Variants in PCYT2 observed in about 807,000 individuals in gnomAD.
The protein encoded by PCYT2 is ethanolamine-phosphate cytidylyltransferase.
PCYT2 carries 33 observed loss-of-function variants against 50.0 expected under a neutral mutation model. That is an observed-to-expected ratio of 0.66 (90% confidence interval 0.50 to 0.88). The LOEUF is 0.88. PCYT2 is among the 40% of genes least tolerant of loss of function. The pLI is 0.00. For synonymous variants in PCYT2, 240 were observed against 203.7 expected, an observed-to-expected ratio of 1.18 and a Z score of -1.52; for missense variants, 430 against 519.7, an observed-to-expected ratio of 0.83 and a Z score of 1.68.
At position 81,906,909 on chromosome 17, in the gene PCYT2, A is replaced by T; in HGVS notation, c.538-11T>A. 1 of 1,611,484 alleles carries T rather than the reference A, an allele frequency of 6.2e-7. No individual in the cohort carries two copies. Among genetic ancestry groups the T allele is most frequent in the South Asian group, 1.1e-5 (1 of 90,980 alleles). Reference sequence around the variant, plus strand: ...CCGCCCACCAGGGCACTGCAAGCCAAGAGAGGGAGCAGGTTGGCGGGGGAG... The same window carrying T: ...CCGCCCACCAGGGCACTGCAAGCCATGAGAGGGAGCAGGTTGGCGGGGGAG... On this transcript the variant is annotated splice_polypyrimidine_tract_variant and intron_variant, in intron 6 of 12. Transcript: ENST00000538936.
At chr17:81,907,478 A>G (rs1598324346) in intron 6 of PCYT2, 76 bp downstream of exon 6, 3 of 1,486,640 alleles carry the variant, frequency 2.0e-6, no homozygotes, top group East Asian at 4.8e-5. Flanking sequence ...CCTTTCCCCA[A>G]GGGATGGCTG....
intron 6 of PCYT2, 78 bp downstream of exon 6, chr17:81,907,476 C>G (rs2040335666): frequency 5.4e-6 from 8 of 1,482,722 alleles, no homozygotes; most frequent in South Asian, 1.2e-5. Flanking sequence ...GGCCTTTCCC[C>G]AAGGGATGGC....
rs767117251 is a variant in PCYT2, at chr17:81,903,075, C to A, written c.*1758G>T. 1.1e-4 allele frequency: 38 copies of A among 342,632 alleles called. No homozygotes were observed. Among genetic ancestry groups the A allele is most frequent in the Non-Finnish European group, 1.8e-4 (34 of 189,516 alleles). 21.2% of individuals were successfully genotyped at this position (342,632 alleles called of 1,614,324 possible). A position where few individuals can be genotyped will look rare whatever the true frequency, so the allele number is the denominator to read the frequency against. On this transcript the variant is annotated 3_prime_UTR_variant, in exon 13 of 13. Coordinates refer to ENST00000538936, the MANE Select transcript of PCYT2 (RefSeq NM_002861.5). ...CGAAGCTGGCCACGACCCAGCCCCGCGGTGAAGCCGCGCCTAGCCTTGGTG... is the reference window on the plus strand; with the variant it reads ...CGAAGCTGGCCACGACCCAGCCCCGAGGTGAAGCCGCGCCTAGCCTTGGTG...
rs1202818592 is a variant in PCYT2 at position 81,909,511 on chromosome 17, T to C, written c.178+3A>G. The C allele has an allele frequency of 6.2e-7, 1 of 1,610,686 alleles. No individual in the cohort carries two copies. Among genetic ancestry groups the C allele is most frequent in the South Asian group, 1.1e-5 (1 of 91,022 alleles). ...GCGGGTGGGCGAGGCCATCTGTGCT[T>C]ACCATCGGTGTGCACGCCTACGATG... On this transcript the variant is annotated splice_donor_region_variant and intron_variant, in intron 2 of 12. Coordinates refer to ENST00000538936, the MANE Select transcript of PCYT2 (RefSeq NM_002861.5).
chr17:81,908,150 G>A (rs1322497941), intron 4 of PCYT2, among the ~76,000 whole-genome samples: 1 of 152,118 alleles, frequency 6.6e-6, no homozygotes, highest in Non-Finnish European at 1.5e-5. Context: ...TAGCAGCTCT[G>A]CTTCCTGCCT....
At position 81,907,876 on chromosome 17, in the gene PCYT2, G is replaced by A. The variant is rs761375036; in HGVS notation, c.408-19C>T. On this transcript the variant is annotated intron_variant, in intron 4 of 12. Transcript: ENST00000538936. ...GCATTCTCTGGGGGACACAGTGGGA[G>A]TGGGGTCTCATCCTGGGACACTCGC... 10 of 1,589,776 alleles carry A rather than the reference G, an allele frequency of 6.3e-6. No homozygotes were observed. The highest frequency in any genetic ancestry group is 8.6e-7 in the Non-Finnish European group (1 of 1,164,312).
rs557217506 is a variant in PCYT2, at chr17:81,902,617, C to T, written c.*2216G>A. The T allele has an allele frequency of 1.2e-4, 193 of 1,582,730 alleles. No individual in the cohort carries two copies. In the African/African-American group the frequency reaches 2.1e-3, roughly 17 times the overall value. ...CCTCAGCCTTTGCTTGCCTGCCCCC[C>T]AGGCTGTGTGCGTCCAGGACGTCGC... On this transcript the variant is annotated 3_prime_UTR_variant, in exon 13 of 13. Coordinates refer to ENST00000538936, the MANE Select transcript of PCYT2 (RefSeq NM_002861.5).
In PCYT2 at chr17:81,902,834, G is replaced by A. The variant is rs773867288; in HGVS notation, c.*1999C>T. 4.0e-6 allele frequency: 5 copies of A among 1,250,770 alleles called. No homozygotes were observed. Among genetic ancestry groups the A allele is most frequent in the Non-Finnish European group, 5.5e-6 (5 of 916,650 alleles). 77.5% of individuals were successfully genotyped at this position (1,250,770 alleles called of 1,614,324 possible). A position where few individuals can be genotyped will look rare whatever the true frequency, so the allele number is the denominator to read the frequency against. On this transcript the variant is annotated 3_prime_UTR_variant, in exon 13 of 13. Coordinates refer to ENST00000538936, the MANE Select transcript of PCYT2 (RefSeq NM_002861.5). ...CCAGGCCCCTCCGGCGCGGGATGGCGCCCCAGGTCTCCCCTACTCCGCTCA... is the reference window on the plus strand; with the variant it reads ...CCAGGCCCCTCCGGCGCGGGATGGCACCCCAGGTCTCCCCTACTCCGCTCA...
chr17:81,907,761 C>T lies in PCYT2; in HGVS notation c.492+12G>A, dbSNP rs1404521209. On this transcript the variant is annotated intron_variant, in intron 5 of 12. Transcript: ENST00000538936. Reference sequence around the variant, plus strand: ...CGACCCAGGGGCCTCGGGGATTCCGCCGCCGACTCACCTGGCTGCTGTGAT... The same window carrying T: ...CGACCCAGGGGCCTCGGGGATTCCGTCGCCGACTCACCTGGCTGCTGTGAT... 6.2e-7 allele frequency: 1 copy of T among 1,612,598 alleles called. No individual in the cohort carries two copies. The highest frequency in any genetic ancestry group is 1.3e-5 in the African/African-American group (1 of 75,060).
At chr17:81,906,046 G>T in intron 9 of PCYT2, 54 bp downstream of exon 9, 1 of 1,488,076 alleles carries the variant, frequency 6.7e-7, no homozygotes, top group Non-Finnish European at 9.2e-7. Context: ...TTAGTAGGGG[G>T]GATGTTGTGG....
In PCYT2 at chr17:81,902,609, C is replaced by T. The variant is rs749690134; in HGVS notation, c.*2224G>A. On this transcript the variant is annotated 3_prime_UTR_variant, in exon 13 of 13. Coordinates refer to ENST00000538936, the MANE Select transcript of PCYT2 (RefSeq NM_002861.5). ...CGGCGGCCCCTCAGCCTTTGCTTGCCTGCCCCCCAGGCTGTGTGCGTCCAG... is the reference window on the plus strand; with the variant it reads ...CGGCGGCCCCTCAGCCTTTGCTTGCTTGCCCCCCAGGCTGTGTGCGTCCAG... 51 of 1,566,876 alleles carry T rather than the reference C, an allele frequency of 3.3e-5. No individual in the cohort carries two copies. In the South Asian group the frequency reaches 4.9e-4, roughly 15 times the overall value.
Position 81,906,189 on chromosome 17 carries a change from G to T in PCYT2, c.760-12C>A. ...TAGTGATTGACCTCCTGCGGCCAGA[G>T]TGCGGCTAGCTCAGCCCGGAGACTT... On this transcript the variant is annotated splice_polypyrimidine_tract_variant and intron_variant, in intron 8 of 12. Transcript: ENST00000538936. 1.2e-6 allele frequency: 2 copies of T among 1,606,158 alleles called. No individual in the cohort carries two copies. Among genetic ancestry groups the T allele is most frequent in the Non-Finnish European group, 1.7e-6 (2 of 1,175,992 alleles).
rs367645669 is a variant in PCYT2, at chr17:81,908,549, G to A, written c.407+19C>T. The A allele has an allele frequency of 1.2e-6, 2 of 1,602,374 alleles. No homozygotes were observed. Among genetic ancestry groups the A allele is most frequent in the Non-Finnish European group, 1.7e-6 (2 of 1,170,090 alleles). ...CGTGTCCAGCTCCCTGGATGGCCAG[G>A]CCCGCGGTGGAGACTCACCTGTACC... On this transcript the variant is annotated intron_variant, in intron 4 of 12. Coordinates refer to ENST00000538936, the MANE Select transcript of PCYT2 (RefSeq NM_002861.5).
Position 81,902,738 on chromosome 17 carries a change from TCGC to T in PCYT2, c.*2092_*2094del. 3 of 1,606,472 alleles carry T rather than the reference TCGC, an allele frequency of 1.9e-6. No individual in the cohort carries two copies. The highest frequency in any genetic ancestry group is 2.5e-6 in the Non-Finnish European group (3 of 1,177,814). The stretch of plus-strand genomic sequence containing the variant: ...CTGTCCCTGCGCGCAGCCGACTGCC[TCGC>T]CGCCTGAGCCCGGACCTCTCCTGGC... On this transcript the variant is annotated 3_prime_UTR_variant, in exon 13 of 13. Coordinates refer to ENST00000538936, the MANE Select transcript of PCYT2 (RefSeq NM_002861.5).
In PCYT2 at chr17:81,911,307, G is replaced by A. The variant is rs1467029868; in HGVS notation, c.49C>T (p.Pro17Ser). Reference sequence around the variant, plus strand: ...ACCCTCACGGCGCGCCTGCCCCCCGGGCCCGGCTGCTCTGCGCCGCCTGCA... The same window carrying A: ...ACCCTCACGGCGCGCCTGCCCCCCGAGCCCGGCTGCTCTGCGCCGCCTGCA... ...GAAGGAEQPG[P>S]GGRRAVRVWC... Residue 17 changes from proline (P) to serine (S), a missense_variant, in exon 1 of 13, where the codon CCG becomes TCG. Coordinates refer to ENST00000538936, the MANE Select transcript of PCYT2 (RefSeq NM_002861.5). The A allele has an allele frequency of 3.3e-5, 37 of 1,136,634 alleles. 1 individual carries two copies. Among genetic ancestry groups the A allele is most frequent in the Non-Finnish European group, 3.6e-5 (33 of 913,774 alleles). The allele number at this position is 1,136,634 out of a possible 1,614,324, so 70.4% of individuals were successfully genotyped here. A position where few individuals can be genotyped will look rare whatever the true frequency, so the allele number is the denominator to read the frequency against.
intron 1 of PCYT2, 115 bp from the exon 2 acceptor site, chr17:81,909,717 A>G: frequency 1.3e-6 from 1 of 765,518 alleles, no homozygotes; most frequent in East Asian, 2.6e-5. Flanking sequence ...CGCTCTGAGA[A>G]GCTGCTGCTG....
rs759469369 is a variant in PCYT2, at chr17:81,907,538, G to A, written c.537+16C>T. On this transcript the variant is annotated intron_variant, in intron 6 of 12. Transcript: ENST00000538936. Reference sequence around the variant, plus strand: ...TGCAGCTGCGTGCTCAGCTCTCCCTGCACAGCCGCACTCACCTTGCCAAAA... The same window carrying A: ...TGCAGCTGCGTGCTCAGCTCTCCCTACACAGCCGCACTCACCTTGCCAAAA... 1.2e-6 allele frequency: 2 copies of A among 1,603,918 alleles called. No homozygotes were observed. The highest frequency in any genetic ancestry group is 1.7e-6 in the Non-Finnish European group (2 of 1,175,862).
intron 6 of PCYT2, 144 bp downstream of exon 6, chr17:81,907,410 G>T: frequency 8.4e-7 from 1 of 1,185,294 alleles, no homozygotes; most frequent in Non-Finnish European, 1.2e-6. Context: ...GCCAAACCTG[G>T]CAGTCAGTGC....
intron 2 of PCYT2, 40 bp downstream of exon 2, chr17:81,909,474 G>T (rs559673597): frequency 5.1e-6 from 8 of 1,569,136 alleles, no homozygotes; most frequent in African/African-American, 1.4e-5. Context: ...CCCACAGGAG[G>T]GCTGGGGGGC....
Sources: gnomAD v4.1 joint callset for allele counts (sites outside exome capture counted in the v4.1 genomes callset) on GRCh38, gnomAD v4.1.1 for gene constraint, MANE v1.5 for transcripts, NCBI Gene and HGNC (gene_info 2026-07-23, HGNC 2026-07-21) for gene names.